EFNA5: variants seen among roughly 807,000 people sequenced by gnomAD.
The protein encoded by EFNA5 is ephrin A5, also known as ephrin-A5.
In EFNA5, 5 loss-of-function variants were observed where a neutral mutation model predicts 22.9. That is an observed-to-expected ratio of 0.22 (90% CI 0.11 to 0.46). EFNA5 has a LOEUF of 0.46. Ranked by LOEUF, EFNA5 falls within the 20% of genes least tolerant of loss-of-function variation. The pLI is 0.99. For missense variants in EFNA5, 237 were observed against 293.3 expected (o/e 0.81, Z 1.40); for synonymous variants, 113 against 112.2 (o/e 1.01, Z -0.04).
At chr5:107,504,682 C>T (rs1747214408) in intron 1 of EFNA5, among the ~76,000 whole-genome samples, 1 of 152,132 alleles carries the variant, frequency 6.6e-6, no homozygotes. Flanking sequence ...AACAGCTTCC[C>T]TACCTATCCC....
chr5:107,407,404 T>C (rs981582756), intron 2 of EFNA5, among the ~76,000 whole-genome samples: 2 of 152,178 alleles, frequency 1.3e-5, no homozygotes, highest in African/African-American at 4.8e-5. Context: ...TTATGGGGGA[T>C]CATTTAATTT....
At chr5:107,521,635 T>C (rs1454768968) in intron 1 of EFNA5, among the ~76,000 whole-genome samples, 1 of 151,862 alleles carries the variant, frequency 6.6e-6, no homozygotes, top group African/African-American at 2.4e-5. Context: ...ATTGCGCGGC[T>C]TACTGGGAAC....
chr5:107,569,163 G>T (rs1289441204), intron 1 of EFNA5, among the ~76,000 whole-genome samples: 2 of 151,848 alleles, frequency 1.3e-5, no homozygotes, highest in Non-Finnish European at 2.9e-5. Context: ...GGGTTTTGGG[G>T]CTTTCTGTAT....
At chr5:107,609,049 T>C (rs1306616885) in intron 1 of EFNA5, among the ~76,000 whole-genome samples, 1 of 152,208 alleles carries the variant, frequency 6.6e-6, no homozygotes, top group Non-Finnish European at 1.5e-5. Flanking sequence ...ACATGGGCCT[T>C]GCATATTCCA....
rs150623083 is a variant in EFNA5, at chr5:107,657,135, A to AT, written c.125+13353dup. On this transcript the variant is annotated intron_variant, in intron 1 of 4. Transcript: ENST00000333274. ...GTCACTGTTAATAACTTTGAGTTAA[A>AT]TAAAAACAATTTAATGTGCTTATTT... Among the ~76,000 whole-genome samples, 1,163 of 152,292 alleles carry AT rather than the reference A, an allele frequency of 7.6e-3. 20 individuals carry two copies. The highest frequency in any genetic ancestry group is 0.026 in the African/African-American group (1,074 of 41,572).
Position 107,510,423 on chromosome 5 carries a change from A to AC in EFNA5, c.126-82915dup, listed in dbSNP as rs568343089. Reference sequence around the variant, plus strand: ...TAACTGTAAGTATCCTTAGTCTAGCACCTCAAGCTGCTGCTCTGCCTATGG... The same window carrying AC: ...TAACTGTAAGTATCCTTAGTCTAGCACCCTCAAGCTGCTGCTCTGCCTATGG... On this transcript the variant is annotated intron_variant, in intron 1 of 4. Coordinates refer to ENST00000333274, the MANE Select transcript of EFNA5 (RefSeq NM_001962.3). 4.6e-5 allele frequency among the ~76,000 whole-genome samples: 7 copies of AC among 152,270 alleles called. No homozygotes were observed. In the East Asian group the frequency reaches 1.4e-3, roughly 29 times the overall value.
At position 107,547,510 on chromosome 5, in the gene EFNA5, G is replaced by A. The variant is rs1037211622; in HGVS notation, c.126-120001C>T. ...CTGGTTTACAGTTTAAAATGTTAGC[G>A]TAAGACACTGATGTTCCAAAAAAAA... is the stretch of plus-strand genomic sequence containing the variant. On this transcript the variant is annotated intron_variant, in intron 1 of 4. Coordinates refer to ENST00000333274, the MANE Select transcript of EFNA5 (RefSeq NM_001962.3). Among the ~76,000 whole-genome samples the A allele has an allele frequency of 8.7e-5, 13 of 150,070 alleles. No individual in the cohort carries two copies. In the East Asian group the frequency reaches 1.8e-3, roughly 20 times the overall value.
chr5:107,532,001 T>C (rs1239156968), intron 1 of EFNA5, among the ~76,000 whole-genome samples: 1 of 152,176 alleles, frequency 6.6e-6, no homozygotes, highest in African/African-American at 2.4e-5. Context: ...CCTTTCTGAA[T>C]AATGTAAGAC....
At chr5:107,550,967 T>A (rs564656982) in intron 1 of EFNA5, among the ~76,000 whole-genome samples, 5 of 152,346 alleles carry the variant, frequency 3.3e-5, no homozygotes, top group African/African-American at 1.2e-4. Flanking sequence ...CAGGATGCTA[T>A]AAAAATTGTT....
intron 1 of EFNA5, among the ~76,000 whole-genome samples, chr5:107,483,707 A>G (rs1427592789): frequency 6.6e-6 from 1 of 152,226 alleles, no homozygotes; most frequent in East Asian, 1.9e-4. Flanking sequence ...TATGACTTTT[A>G]AGAGAAATTG....
intron 1 of EFNA5, among the ~76,000 whole-genome samples, chr5:107,431,762 C>A (rs982119211): frequency 6.6e-6 from 1 of 152,152 alleles, no homozygotes; most frequent in Non-Finnish European, 1.5e-5. Context: ...CCTTCATTCA[C>A]GGATGCAACA....
chr5:107,457,634 T>C (rs1375097726), intron 1 of EFNA5, among the ~76,000 whole-genome samples: 2 of 152,272 alleles, frequency 1.3e-5, no homozygotes, highest in African/African-American at 4.8e-5. Context: ...GTGGCACCCA[T>C]GTATAAGGAG....
chr5:107,396,729 A>G (rs899696514), intron 2 of EFNA5, among the ~76,000 whole-genome samples: 3 of 152,100 alleles, frequency 2.0e-5, no homozygotes, highest in Admixed American at 6.5e-5. Context: ...GTGGTGATGA[A>G]GATATTTATG....
intron 1 of EFNA5, among the ~76,000 whole-genome samples, chr5:107,621,529 G>A (rs1179884179): frequency 6.6e-6 from 1 of 152,170 alleles, no homozygotes; most frequent in Non-Finnish European, 1.5e-5. Flanking sequence ...TATGAGGGAA[G>A]CCATGGAACA....
At chr5:107,658,717 A>C (rs1049646431) in intron 1 of EFNA5, among the ~76,000 whole-genome samples, 1 of 152,176 alleles carries the variant, frequency 6.6e-6, no homozygotes, top group African/African-American at 2.4e-5. Flanking sequence ...TTCATGGGCC[A>C]GCAGCATCAA....
intron 1 of EFNA5, among the ~76,000 whole-genome samples, chr5:107,669,502 C>T (rs1055606954): frequency 6.6e-6 from 1 of 152,034 alleles, no homozygotes; most frequent in African/African-American, 2.4e-5. Flanking sequence ...TGCTCCAGAC[C>T]CGGAGGACCC....
At chr5:107,656,841 T>G (rs2112557151) in intron 1 of EFNA5, among the ~76,000 whole-genome samples, 1 of 152,236 alleles carries the variant, frequency 6.6e-6, no homozygotes, top group Non-Finnish European at 1.5e-5. Flanking sequence ...GAGCTGAAAT[T>G]TAATTAGCTC....
chr5:107,405,274 T>C (rs547453052), intron 2 of EFNA5, among the ~76,000 whole-genome samples: 154 of 152,338 alleles, frequency 1.0e-3, no homozygotes, highest in African/African-American at 3.7e-3. Context: ...AACTAGCTGA[T>C]GATGCTGTGC....
chr5:107,662,389 T>A (rs1750981112), intron 1 of EFNA5, among the ~76,000 whole-genome samples: 1 of 152,186 alleles, frequency 6.6e-6, no homozygotes, highest in African/African-American at 2.4e-5. Flanking sequence ...AAATTAATCT[T>A]ACGGAAGCTC....
Sources: gnomAD v4.1 joint callset for allele counts (sites outside exome capture counted in the v4.1 genomes callset) on GRCh38, gnomAD v4.1.1 for gene constraint, MANE v1.5 for transcripts, NCBI Gene and HGNC (gene_info 2026-07-23, HGNC 2026-07-21) for gene names.